Variants in CNTNAP2 observed in about 807,000 individuals in gnomAD.
CNTNAP2 encodes contactin-associated protein-like 2.
In CNTNAP2, 98 loss-of-function variants were observed where a neutral mutation model predicts 155.2. That is an observed-to-expected ratio of 0.63 (90% CI 0.54 to 0.75). The LOEUF is 0.75. Among genes scored for constraint, CNTNAP2 ranks in the 30% least tolerant of loss-of-function variants. The pLI is 0.00. For missense variants in CNTNAP2, 1,727 were observed against 1,688.1 expected (o/e 1.02, Z -0.40); for synonymous variants, 651 against 631.2 (o/e 1.03, Z -0.47).
At chr7:148,225,254 A>G (rs938486709) in intron 19 of CNTNAP2, among the ~76,000 whole-genome samples, 1 of 152,168 alleles carries the variant, frequency 6.6e-6, no homozygotes, top group Admixed American at 6.5e-5. Context: ...TATGAGGCAG[A>G]AAAGGGAGGG....
At chr7:148,193,992 A>T (rs1175285756) in intron 18 of CNTNAP2, among the ~76,000 whole-genome samples, 1 of 150,576 alleles carries the variant, frequency 6.6e-6, no homozygotes, top group Non-Finnish European at 1.5e-5. Context: ...TTTAACTGAA[A>T]CAGGGTCTTG....
intron 14 of CNTNAP2, among the ~76,000 whole-genome samples, chr7:147,931,566 C>G (rs2707571): frequency 1.3e-5 from 2 of 152,044 alleles, no homozygotes; most frequent in Non-Finnish European, 2.9e-5. Context: ...AAACCAAATT[C>G]AACAGCATAT....
chr7:147,205,218 T>G (rs1409441998), intron 8 of CNTNAP2, among the ~76,000 whole-genome samples: 1 of 152,114 alleles, frequency 6.6e-6, no homozygotes, highest in Admixed American at 6.6e-5. Context: ...ATATGTAGTT[T>G]TCTATCTCTC....
At chr7:147,535,704 C>T (rs761901932) in intron 11 of CNTNAP2, among the ~76,000 whole-genome samples, 7 of 152,114 alleles carry the variant, frequency 4.6e-5, no homozygotes, top group Non-Finnish European at 1.0e-4. Flanking sequence ...ACTTTCTCCC[C>T]ACTCAGGCCA....
At chr7:148,215,752 C>T (rs566629619) in intron 18 of CNTNAP2, among the ~76,000 whole-genome samples, 61 of 152,104 alleles carry the variant, frequency 4.0e-4, no homozygotes, top group Non-Finnish European at 4.1e-4. Flanking sequence ...TTTTTAGGGA[C>T]GAAATTGAGG....
chr7:147,497,618 A>C (rs1410142240), intron 11 of CNTNAP2, among the ~76,000 whole-genome samples: 1 of 152,202 alleles, frequency 6.6e-6, no homozygotes, highest in Non-Finnish European at 1.5e-5. Flanking sequence ...AGGAATTCAG[A>C]GCTCTAGAAA....
rs369268676 is a variant in CNTNAP2 at position 147,869,097 on chromosome 7, G to A, written c.2099-34468G>A. Among the ~76,000 whole-genome samples, 86 of 152,298 alleles carry A rather than the reference G, an allele frequency of 5.6e-4. 1 individual carries two copies. Among genetic ancestry groups the A allele is most frequent in the African/African-American group, 1.3e-3 (52 of 41,568 alleles). ...GGACCAGAACTGTTCCTCTTCGGCC[G>A]TCTTGGAATGGAGCTCTATCTTTCC... On this transcript the variant is annotated intron_variant, in intron 13 of 23. Coordinates refer to ENST00000361727, the MANE Select transcript of CNTNAP2 (RefSeq NM_014141.6).
chr7:147,272,393 G>T (rs1804772031), intron 8 of CNTNAP2, among the ~76,000 whole-genome samples: 1 of 152,190 alleles, frequency 6.6e-6, no homozygotes, highest in African/African-American at 2.4e-5. Flanking sequence ...TAGAGCACAA[G>T]GTTGAAGTTC....
chr7:147,555,247 C>T (rs536741861), intron 11 of CNTNAP2, among the ~76,000 whole-genome samples: 11 of 152,176 alleles, frequency 7.2e-5, no homozygotes, highest in African/African-American at 2.6e-4. Flanking sequence ...TAAGGAGGGC[C>T]CCAGAGACCA....
chr7:147,997,803 T>C (rs1035047414), intron 15 of CNTNAP2, among the ~76,000 whole-genome samples: 2 of 152,108 alleles, frequency 1.3e-5, no homozygotes, highest in African/African-American at 4.8e-5. Context: ...CCAGTAAGCA[T>C]GTTCTGGGTG....
At chr7:148,217,862 C>T (rs756355936) in intron 19 of CNTNAP2, among the ~76,000 whole-genome samples, 2 of 152,250 alleles carry the variant, frequency 1.3e-5, no homozygotes, top group Admixed American at 6.5e-5. Context: ...CTGTGGCTCA[C>T]GCCTGTAATC....
intron 1 of CNTNAP2, among the ~76,000 whole-genome samples, chr7:146,729,384 C>T (rs1801485952): frequency 6.6e-6 from 1 of 151,932 alleles, no homozygotes; most frequent in Admixed American, 6.6e-5. Context: ...GTGTCAATTT[C>T]AGAAAGGCAA....
chr7:148,295,048 A>G (rs1440947045), intron 21 of CNTNAP2, among the ~76,000 whole-genome samples: 1 of 152,208 alleles, frequency 6.6e-6, no homozygotes, highest in Non-Finnish European at 1.5e-5. Flanking sequence ...TGCAAACATA[A>G]TGAATCCTGA....
At chr7:148,166,932 T>C (rs1294663196) in intron 17 of CNTNAP2, among the ~76,000 whole-genome samples, 1 of 152,192 alleles carries the variant, frequency 6.6e-6, no homozygotes, top group African/African-American at 2.4e-5. Context: ...TTACATAATA[T>C]ATAATGACCG....
At chr7:148,340,024 A>G (rs1355660334) in intron 21 of CNTNAP2, among the ~76,000 whole-genome samples, 1 of 147,434 alleles carries the variant, frequency 6.8e-6, no homozygotes, top group African/African-American at 2.5e-5. Flanking sequence ...CAAAGCTGAG[A>G]TTTACATGGT....
At chr7:147,980,268 TA>T (rs56850605) in intron 15 of CNTNAP2, among the ~76,000 whole-genome samples, 69,458 of 151,972 alleles carry the variant, frequency 0.46, 16,551 homozygotes, top group East Asian at 0.75. Context: ...ACTTTCTTTT[TA>T]AAAAAGAGAA....
intron 4 of CNTNAP2, among the ~76,000 whole-genome samples, chr7:147,065,565 T>A (rs1369082422): frequency 6.6e-6 from 1 of 152,240 alleles, no homozygotes; most frequent in Non-Finnish European, 1.5e-5. Context: ...AGACACAGAT[T>A]TGAACCTACA....
intron 8 of CNTNAP2, among the ~76,000 whole-genome samples, chr7:147,134,925 G>A (rs1801449176): frequency 6.6e-6 from 1 of 151,800 alleles, no homozygotes; most frequent in South Asian, 2.1e-4. Context: ...AAAATAACCA[G>A]TGATAAAATT....
chr7:147,411,726 T>C (rs1797106031), intron 10 of CNTNAP2, among the ~76,000 whole-genome samples: 1 of 152,102 alleles, frequency 6.6e-6, no homozygotes, highest in Non-Finnish European at 1.5e-5. Flanking sequence ...CATATCTCAT[T>C]AGCCAGATTT....
Sources: allele counts gnomAD v4.1 joint callset (sites outside exome capture counted in the v4.1 genomes callset), GRCh38; gene constraint gnomAD v4.1.1; transcripts MANE v1.5; gene names NCBI Gene and HGNC (gene_info 2026-07-23, HGNC 2026-07-21).